The following CLDN5 variants were observed in gnomAD, a reference collection of about 807,000 sequenced individuals.
CLDN5 encodes claudin-5.
A neutral mutation model predicts 1.3 loss-of-function variants in CLDN5; 4 were observed. The observed-to-expected ratio is 3.07, with a 90% CI of 1.51 to 7.03. The LOEUF (loss-of-function observed/expected upper bound fraction) is 7.03, where lower values mean the gene tolerates loss of function less well. Among genes scored for constraint, CLDN5 ranks in the 30% most tolerant of loss-of-function variants. The pLI is 0.00. For missense variants in CLDN5, 225 were observed against 303.5 expected, an observed-to-expected ratio of 0.74 and a Z score of 1.92; for synonymous variants, 156 against 152.3, an observed-to-expected ratio of 1.02 and a Z score of -0.18.
chr22:19,524,858 GA>G, upstream of CLDN5: 4 of 1,128,856 alleles, frequency 3.5e-6, no homozygotes, highest in Non-Finnish European at 4.4e-6. Flanking sequence ...CACCGCCGTA[GA>G]GGCCCTCGTA....
chr22:19,524,573 G>A, upstream of CLDN5: 10 of 1,361,598 alleles, frequency 7.3e-6, no homozygotes, highest in South Asian at 1.8e-4. Context: ...GCTCTTGAGG[G>A]GTAGCTGAGG....
At chr22:19,524,622 C>T, upstream of CLDN5, 2 of 1,353,458 alleles carry the variant, frequency 1.5e-6, no homozygotes, top group Non-Finnish European at 1.9e-6. Context: ...GCCCCCAGCC[C>T]CACCCGCCGT....
upstream of CLDN5, chr22:19,524,554 G>A (rs919692291): frequency 4.3e-6 from 6 of 1,387,520 alleles, no homozygotes; most frequent in African/African-American, 6.1e-5. Context: ...TGAAGTTAGG[G>A]AAACAACGGC....
upstream of CLDN5, chr22:19,525,027 C>T (rs878950497): frequency 6.0e-6 from 6 of 1,002,872 alleles, no homozygotes; most frequent in South Asian, 1.9e-4. Flanking sequence ...GGCCCAGGGC[C>T]CCAGCCTCAC....
rs1386443739 is a variant in CLDN5, at chr22:19,523,716, G to A, written c.540C>T (p.Leu180=). 3 of 1,606,716 alleles carry A rather than the reference G, an allele frequency of 1.9e-6. No homozygotes were observed. Among genetic ancestry groups the A allele is most frequent in the Non-Finnish European group, 2.5e-6 (3 of 1,178,436 alleles). Residue 180 remains leucine (L), a synonymous_variant, in exon 1 of 1, where the codon CTC becomes CTT. Coordinates refer to ENST00000618236, the MANE Select transcript of CLDN5 (RefSeq NM_001363066.2). ...TGCAGACCCAGGCGCCGCAGCACAA[G>A]AGGCAGCCGCCTACCATGAGCAGCG... The part of the protein sequence containing the change: ...ATALLMVGGC[L]LCCGAWVCTG...
chr22:19,524,446 G>T, upstream of CLDN5: 1 of 1,440,504 alleles, frequency 6.9e-7, no homozygotes, highest in South Asian at 1.5e-5. Context: ...TGAAGGTTCG[G>T]GGGCGGATTC....
chr22:19,524,919 C>G (rs1934198107), upstream of CLDN5: 4 of 1,043,682 alleles, frequency 3.8e-6, no homozygotes, highest in Non-Finnish European at 4.7e-6. Context: ...CACCCAGGCC[C>G]TTTCTCGCAC....
upstream of CLDN5, chr22:19,524,588 G>C (rs1934191361): frequency 4.5e-6 from 6 of 1,344,516 alleles, no homozygotes; most frequent in African/African-American, 1.5e-5. Context: ...CTGAGGGCGC[G>C]GGACCGCTCC....
In CLDN5 at chr22:19,523,392, AGGGCC is replaced by A. The variant is rs1030251373; in HGVS notation, c.*202_*206del. ...AAACTTCATTCCGTCTGTTAAGGGC[AGGGCC>A]GGGCTAGTGGCAGGAGAAGGTCAGC... On this transcript the variant is annotated 3_prime_UTR_variant, in exon 1 of 1. Coordinates refer to ENST00000618236, the MANE Select transcript of CLDN5 (RefSeq NM_001363066.2). 4 of 627,154 alleles carry A rather than the reference AGGGCC, an allele frequency of 6.4e-6. No individual in the cohort carries two copies. The African/African-American group carries it at 7.9e-5, about 12-fold the overall frequency. The allele number at this position is 627,154 out of a possible 1,614,324, so 38.8% of individuals were successfully genotyped here. A position where few individuals can be genotyped will look rare whatever the true frequency, so the allele number is the denominator to read the frequency against.
At chr22:19,524,869 AG>A, upstream of CLDN5, 5 of 1,104,944 alleles carry the variant, frequency 4.5e-6, no homozygotes, top group Non-Finnish European at 5.6e-6. Flanking sequence ...AGGCCCTCGT[AG>A]GGGGGCTCTC....
chr22:19,525,232 C>T (rs1934204795), upstream of CLDN5: 2 of 1,000,418 alleles, frequency 2.0e-6, no homozygotes, highest in Admixed American at 1.2e-4. Context: ...GTTCAGGTGA[C>T]ACCACTTCAG....
At position 19,523,578 on chromosome 22, in the gene CLDN5, G is replaced by A; in HGVS notation, c.*21C>T. The A allele has an allele frequency of 3.2e-6, 5 of 1,541,976 alleles. No homozygotes were observed. Among genetic ancestry groups the A allele is most frequent in the Non-Finnish European group, 4.3e-6 (5 of 1,149,480 alleles). On this transcript the variant is annotated 3_prime_UTR_variant, in exon 1 of 1. Transcript: ENST00000618236. The stretch of plus-strand genomic sequence containing the variant: ...CTCGCAGGCGTGGCTGGCAGGAGGG[G>A]CCCGGCCGTGCCCAGCGCCCTCAGA...
upstream of CLDN5, chr22:19,525,296 C>T: frequency 2.0e-6 from 2 of 999,574 alleles, no homozygotes; most frequent in Non-Finnish European, 2.4e-6. Flanking sequence ...CAGTGGTGGC[C>T]CCAGGCCTAG....
upstream of CLDN5, chr22:19,524,994 G>C: frequency 3.0e-6 from 3 of 1,005,540 alleles, no homozygotes; most frequent in Non-Finnish European, 3.6e-6. Flanking sequence ...AAACAGAGAG[G>C]CCAGGCAGGC....
rs1457591876 is a variant in CLDN5, at chr22:19,523,887, C to G, written c.369G>C (p.Val123=). 1 of 1,607,884 alleles carries G rather than the reference C, an allele frequency of 6.2e-7. No individual in the cohort carries two copies. Among genetic ancestry groups the G allele is most frequent in the Non-Finnish European group, 8.5e-7 (1 of 1,178,932 alleles). ...CCAGCAGCCCGCAAAACAGGTAGAG[C>G]ACGCCTCCCGTGAGGGCCACACGCG... ...AKARVALTGG[V]LYLFCGLLAL... The change falls in exon 1 of 1, where the codon GTG becomes GTC. Residue 123 remains valine (V), a synonymous_variant. Transcript: ENST00000618236.
chr22:19,523,516 C>A lies in CLDN5; in HGVS notation c.*83G>T. Reference sequence around the variant, plus strand: ...GCGCGCCGCGCTACCCGGCGGAAGCCGCGGTCCATGCGGGGCTCCCCAGGC... The same window carrying A: ...GCGCGCCGCGCTACCCGGCGGAAGCAGCGGTCCATGCGGGGCTCCCCAGGC... On this transcript the variant is annotated 3_prime_UTR_variant, in exon 1 of 1. Transcript: ENST00000618236. The A allele has an allele frequency of 2.0e-6, 3 of 1,467,176 alleles. No individual in the cohort carries two copies. The highest frequency in any genetic ancestry group is 2.7e-6 in the Non-Finnish European group (3 of 1,117,450). 90.9% of individuals were successfully genotyped at this position (1,467,176 alleles called of 1,614,324 possible). A position where few individuals can be genotyped will look rare whatever the true frequency, so the allele number is the denominator to read the frequency against.
upstream of CLDN5, chr22:19,524,940 C>G (rs531008566): frequency 3.5e-5 from 36 of 1,025,734 alleles, no homozygotes; most frequent in Non-Finnish European, 4.0e-5. Flanking sequence ...TCTCACTCTC[C>G]AGCCCCGCTC....
chr22:19,523,397 C>T lies in CLDN5; in HGVS notation c.*202G>A. 1.5e-6 allele frequency: 1 copy of T among 650,668 alleles called. No individual in the cohort carries two copies. 40.3% of individuals were successfully genotyped at this position (650,668 alleles called of 1,614,324 possible). A position where few individuals can be genotyped will look rare whatever the true frequency, so the allele number is the denominator to read the frequency against. On this transcript the variant is annotated 3_prime_UTR_variant, in exon 1 of 1. Coordinates refer to ENST00000618236, the MANE Select transcript of CLDN5 (RefSeq NM_001363066.2). ...TCATTCCGTCTGTTAAGGGCAGGGCCGGGCTAGTGGCAGGAGAAGGTCAGC... is the reference window on the plus strand; with the variant it reads ...TCATTCCGTCTGTTAAGGGCAGGGCTGGGCTAGTGGCAGGAGAAGGTCAGC...
chr22:19,525,067 C>T, upstream of CLDN5: 1 of 1,001,210 alleles, frequency 1.0e-6, no homozygotes. Flanking sequence ...CTCTCTGGAG[C>T]CTGAGTCTCT....
Sources: gnomAD v4.1 joint callset for allele counts on GRCh38, gnomAD v4.1.1 for gene constraint, MANE v1.5 for transcripts, NCBI Gene and HGNC (gene_info 2026-07-23, HGNC 2026-07-21) for gene names.